Variants in ZSCAN16 observed in about 807,000 individuals in gnomAD.
ZSCAN16 encodes zinc finger and SCAN domain-containing protein 16.
Under a neutral mutation model 19.4 loss-of-function variants are expected in ZSCAN16, and 15 were observed. The observed-to-expected ratio is 0.77, with a 90% CI of 0.52 to 1.19. ZSCAN16 has a LOEUF of 1.19. Ranked by LOEUF, ZSCAN16 falls within the 50% of genes most tolerant of loss-of-function variation. ZSCAN16 has a pLI of 0.00. For synonymous variants in ZSCAN16, 138 were observed against 146.5 expected, an observed-to-expected ratio of 0.94 and a Z score of 0.42; for missense variants, 327 against 415.7, an observed-to-expected ratio of 0.79 and a Z score of 1.86.
rs1003707056 is a variant in ZSCAN16 at position 28,125,147 on chromosome 6, C to T, written c.-31-266C>T. 6.6e-6 allele frequency among the ~76,000 whole-genome samples: 1 copy of T among 152,162 alleles called. No homozygotes were observed. Among genetic ancestry groups the T allele is most frequent in the African/African-American group, 2.4e-5 (1 of 41,428 alleles). The stretch of plus-strand genomic sequence containing the variant: ...GTACCTGAGGATCTGTAGTTCTAGT[C>T]CAGATAAATAACTTCCTCTAAGTTA... On this transcript the variant is annotated intron_variant, in intron 1 of 3. Transcript: ENST00000340487. This position sits in a 1 kb window ranked among gnomAD's most constrained non-coding sequence, Gnocchi z 6.2.
Position 28,126,875 on chromosome 6 carries a change from CA to C in ZSCAN16, c.485del (p.Lys162ArgfsTer41). 1.3e-6 allele frequency: 2 copies of C among 1,584,810 alleles called. No individual in the cohort carries two copies. Among genetic ancestry groups the C allele is most frequent in the South Asian group, 1.1e-5 (1 of 87,292 alleles). On this transcript the variant is annotated frameshift_variant, in exon 3 of 4. Coordinates refer to ENST00000340487, the MANE Select transcript of ZSCAN16 (RefSeq NM_025231.3). LOFTEE classifies it low-confidence loss of function (END_TRUNC). The stretch of plus-strand genomic sequence containing the variant: ...AATCACTGACTGTCCAGCTCCATCC[CA>C]AAAAGACCCAGCTGGAGCAGGAAGC... ...YESLTVQLHPKKTQLEQEAGK... is the reference protein window; with the variant it reads ...YESLTVQLHPXKTQLEQEAGK...
rs1002944191 is a variant in ZSCAN16 at position 28,125,998 on chromosome 6, G to C, written c.387+168G>C. The stretch of plus-strand genomic sequence containing the variant: ...ATTAAAGTGTGGCTGGGTAAAGAGA[G>C]GAGAGTCACTAGACTGATTCTATGC... On this transcript the variant is annotated intron_variant, in intron 2 of 3. Transcript: ENST00000340487. This position sits in a 1 kb window ranked among gnomAD's most constrained non-coding sequence, Gnocchi z 6.2. Among the ~76,000 whole-genome samples the C allele has an allele frequency of 1.1e-4, 16 of 152,208 alleles. No homozygotes were observed. The highest frequency in any genetic ancestry group is 2.2e-4 in the Non-Finnish European group (15 of 68,042).
chr6:28,126,975 A>G (rs769895475), intron 3 of ZSCAN16, 54 bp downstream of exon 3: 2 of 1,350,788 alleles, frequency 1.5e-6, no homozygotes, highest in African/African-American at 1.5e-5. Flanking sequence ...CTTAGGTTAG[A>G]GGAAAACTTT....
At chr6:28,126,171 G>A (rs1204024580) in intron 2 of ZSCAN16, among the ~76,000 whole-genome samples, 1 of 152,032 alleles carries the variant, frequency 6.6e-6, no homozygotes, top group African/African-American at 2.4e-5. Flanking sequence ...TATTCAAGCG[G>A]AGATTCAAGT....
chr6:28,126,863 C>G lies in ZSCAN16; in HGVS notation c.468C>G (p.Val156=). The G allele has an allele frequency of 6.3e-7, 1 of 1,589,008 alleles. No individual in the cohort carries two copies. The highest frequency in any genetic ancestry group is 8.6e-7 in the Non-Finnish European group (1 of 1,163,574). Residue 156 remains valine, a synonymous_variant, in exon 3 of 4, where the codon GTC becomes GTG. Transcript: ENST00000340487. ...GAAGGCCATATGAATCACTGACTGTCCAGCTCCATCCCAAAAAGACCCAGC... is the reference window on the plus strand; with the variant it reads ...GAAGGCCATATGAATCACTGACTGTGCAGCTCCATCCCAAAAAGACCCAGC... ...PLGRPYESLT[V]QLHPKKTQLE... is the part of the protein sequence containing the mutation.
chr6:28,126,807 G>A lies in ZSCAN16; in HGVS notation c.412G>A (p.Asp138Asn). ...KQVPGNSERR[D>N]ILMDKLAPLG... ...GGTCCCAGGCAATTCAGAAAGACGG[G>A]ACATACTCATGGACAAGTTGGCCCC... Residue 138 changes from aspartate (D) to asparagine (N), a missense_variant, in exon 3 of 4, where the codon GAC (aspartate) becomes AAC (asparagine). Coordinates refer to ENST00000340487, the MANE Select transcript of ZSCAN16 (RefSeq NM_025231.3). 6.5e-7 allele frequency: 1 copy of A among 1,548,604 alleles called. No homozygotes were observed.
chr6:28,129,580 C>G lies in ZSCAN16; in HGVS notation c.677C>G (p.Ser226Ter). The change falls in exon 4 of 4, where the codon TCA (serine) becomes TGA (stop). Residue 226 changes from serine (S) to a stop codon, truncating the protein, a stop_gained. Coordinates refer to ENST00000340487, the MANE Select transcript of ZSCAN16 (RefSeq NM_025231.3). LOFTEE classifies it low-confidence loss of function (END_TRUNC). ...SKDIIENEGRSEWQQRERRRY... is the reference protein window; with the variant it reads ...SKDIIENEGR ...GATATTATTGAAAATGAGGGCAGAT[C>G]AGAATGGCAACAGAGGGAAAGAAGA... 3 of 1,614,110 alleles carry G rather than the reference C, an allele frequency of 1.9e-6. No homozygotes were observed. The highest frequency in any genetic ancestry group is 1.7e-6 in the Non-Finnish European group (2 of 1,180,016).
rs1764857585 is a variant in ZSCAN16, at chr6:28,125,112, C to T, written c.-31-301C>T. Among the ~76,000 whole-genome samples the T allele has an allele frequency of 6.6e-6, 1 of 152,236 alleles. No homozygotes were observed. Among genetic ancestry groups the T allele is most frequent in the East Asian group, 1.9e-4 (1 of 5,198 alleles). Reference sequence around the variant, plus strand: ...ATCTGTATATCAACCCTGTAACACACATGAGAATTGTACCTGAGGATCTGT... The same window carrying T: ...ATCTGTATATCAACCCTGTAACACATATGAGAATTGTACCTGAGGATCTGT... On this transcript the variant is annotated intron_variant, in intron 1 of 3. Transcript: ENST00000340487. The surrounding 1 kb of genome is among the most constrained non-coding windows in gnomAD (Gnocchi z 6.2).
rs139845128 is a variant in ZSCAN16 at position 28,129,536 on chromosome 6, T to G, written c.633T>G (p.Pro211=). 7.9e-5 allele frequency: 128 copies of G among 1,614,114 alleles called. 1 individual carries two copies. The Middle Eastern group carries it at 2.8e-3, about 35-fold the overall frequency. The change falls in exon 4 of 4, where the codon CCT becomes CCG. Residue 211 remains proline, a synonymous_variant. Transcript: ENST00000340487. ...ATGACAGACTGAACAAAGATACTCCTCAGCATCCTAAGTCCAAAGATATTA... is the reference window on the plus strand; with the variant it reads ...ATGACAGACTGAACAAAGATACTCCGCAGCATCCTAAGTCCAAAGATATTA... ...EINDRLNKDT[P]QHPKSKDIIE...
Position 28,127,198 on chromosome 6 carries a change from C to T in ZSCAN16, c.526+277C>T, listed in dbSNP as rs117031684. Among the ~76,000 whole-genome samples the T allele has an allele frequency of 8.7e-4, 133 of 152,306 alleles. 3 individuals carry two copies. In the East Asian group the frequency reaches 0.023, roughly 26 times the overall value. On this transcript the variant is annotated intron_variant, in intron 3 of 3. Transcript: ENST00000340487. ...ATCTAATGATTCTTGTTCCAAATCC[C>T]CCTAAATTTCCATTTTGAGACAGGA...
chr6:28,129,720 T>G lies in ZSCAN16; in HGVS notation c.817T>G (p.Phe273Val). Residue 273 changes from phenylalanine (F) to valine (V), a missense_variant, in exon 4 of 4, where the codon TTC becomes GTC. Transcript: ENST00000340487. ...TAAATGTGATGAGTGTGGAAAAGCC[T>G]TCATTCAGCGCTCACATCTCATTGG... ...PYKCDECGKA[F>V]IQRSHLIGHH... The G allele has an allele frequency of 6.2e-7, 1 of 1,614,122 alleles. No homozygotes were observed. The highest frequency in any genetic ancestry group is 2.2e-5 in the East Asian group (1 of 44,886).
chr6:28,127,249 A>T (rs1016354257), intron 3 of ZSCAN16, among the ~76,000 whole-genome samples: 3 of 152,218 alleles, frequency 2.0e-5, no homozygotes, highest in African/African-American at 7.2e-5. Context: ...TGTATTAGTC[A>T]GCGAGGCCTG....
chr6:28,129,679 C>T lies in ZSCAN16; in HGVS notation c.776C>T (p.Thr259Met), dbSNP rs749450546. Residue 259 changes from threonine (T) to methionine (M), a missense_variant, in exon 4 of 4, where the codon ACG (threonine) becomes ATG (methionine). Coordinates refer to ENST00000340487, the MANE Select transcript of ZSCAN16 (RefSeq NM_025231.3). ...SDLSKHRRTH[T>M]GEKPYKCDEC... is the part of the protein sequence containing the mutation. ...CTTAGTAAACACAGGAGAACTCACA[C>T]GGGAGAGAAGCCCTATAAATGTGAT... 2.2e-5 allele frequency: 36 copies of T among 1,614,016 alleles called. No individual in the cohort carries two copies. The highest frequency in any genetic ancestry group is 5.0e-5 in the Admixed American group (3 of 59,992).
chr6:28,126,088 A>G (rs190161060), intron 2 of ZSCAN16, among the ~76,000 whole-genome samples: 16 of 152,232 alleles, frequency 1.1e-4, no homozygotes, highest in Non-Finnish European at 1.5e-5. Flanking sequence ...AGGAAAAGAA[A>G]TAATTTTCTG....
At chr6:28,128,271 T>C (rs1764959533) in intron 3 of ZSCAN16, among the ~76,000 whole-genome samples, 1 of 152,166 alleles carries the variant, frequency 6.6e-6, no homozygotes, top group Non-Finnish European at 1.5e-5. Flanking sequence ...TGAGCCACTG[T>C]GCCTGGCTCA....
rs1240742234 is a variant in ZSCAN16 at position 28,129,650 on chromosome 6, A to C, written c.747A>C (p.Ser249=). ...GTGGGAAAAGTTTCAGTCATAGCTCAGACCTTAGTAAACACAGGAGAACTC... is the reference window on the plus strand; with the variant it reads ...GTGGGAAAAGTTTCAGTCATAGCTCCGACCTTAGTAAACACAGGAGAACTC... ...DECGKSFSHS[S]DLSKHRRTHT... Residue 249 remains serine (S), a synonymous_variant, in exon 4 of 4, where the codon TCA becomes TCC. Coordinates refer to ENST00000340487, the MANE Select transcript of ZSCAN16 (RefSeq NM_025231.3). The C allele has an allele frequency of 6.2e-7, 1 of 1,614,248 alleles. No homozygotes were observed. Among genetic ancestry groups the C allele is most frequent in the East Asian group, 2.2e-5 (1 of 44,890 alleles).
At chr6:28,127,761 CA>C (rs1239349044) in intron 3 of ZSCAN16, among the ~76,000 whole-genome samples, 1 of 152,192 alleles carries the variant, frequency 6.6e-6, no homozygotes, top group Non-Finnish European at 1.5e-5. Context: ...AGTGTATCCC[CA>C]GGCTACATTA....
Position 28,129,586 on chromosome 6 carries a change from G to A in ZSCAN16, c.683G>A (p.Trp228Ter), listed in dbSNP as rs1051344606. 43 of 1,614,042 alleles carry A rather than the reference G, an allele frequency of 2.7e-5. No individual in the cohort carries two copies. Among genetic ancestry groups the A allele is most frequent in the Non-Finnish European group, 3.6e-5 (42 of 1,180,034 alleles). Reference sequence around the variant, plus strand: ...ATTGAAAATGAGGGCAGATCAGAATGGCAACAGAGGGAAAGAAGACGATAT... The same window carrying A: ...ATTGAAAATGAGGGCAGATCAGAATAGCAACAGAGGGAAAGAAGACGATAT... The part of the protein sequence containing the change: ...DIIENEGRSE[W>*]QQRERRRYKC... Residue 228 changes from tryptophan (W) to a stop codon, truncating the protein, a stop_gained, in exon 4 of 4, where the codon TGG (tryptophan) becomes TAG (stop). Transcript: ENST00000340487. LOFTEE classifies it low-confidence loss of function (END_TRUNC).
chr6:28,129,556 ATAT>A lies in ZSCAN16; in HGVS notation c.658_660del (p.Ile220del). 1.2e-6 allele frequency: 2 copies of A among 1,614,182 alleles called. No individual in the cohort carries two copies. The highest frequency in any genetic ancestry group is 2.2e-5 in the South Asian group (2 of 91,080). The stretch of plus-strand genomic sequence containing the variant: ...ACTCCTCAGCATCCTAAGTCCAAAG[ATAT>A]TATTGAAAATGAGGGCAGATCAGAA... On this transcript the variant is annotated inframe_deletion, in exon 4 of 4. Transcript: ENST00000340487.
Sources: allele counts gnomAD v4.1 joint callset (sites outside exome capture counted in the v4.1 genomes callset), GRCh38; gene constraint gnomAD v4.1.1; non-coding constraint Gnocchi (gnomAD v3.1); transcripts MANE v1.5; gene names NCBI Gene and HGNC (gene_info 2026-07-23, HGNC 2026-07-21).